Variants in SDR42E1 observed in about 807,000 individuals in gnomAD.
The protein encoded by SDR42E1 is short-chain dehydrogenase/reductase family 42E member 1.
Under a neutral mutation model 2.6 loss-of-function variants are expected in SDR42E1, and 5 were observed. The ratio of observed to expected loss-of-function variants is 1.94; its 90% CI spans 1.01 to 4.08. The LOEUF is 4.08. Ranked by LOEUF, SDR42E1 falls within the 30% of genes most tolerant of loss-of-function variation. The pLI is 0.00. For synonymous variants in SDR42E1, 231 were observed against 188.3 expected (o/e 1.23, Z -1.86); for missense variants, 596 against 478.6 (o/e 1.25, Z -2.29).
intron 1 of SDR42E1, among the ~76,000 whole-genome samples, chr16:82,004,435 G>A (rs1912868309): frequency 6.6e-6 from 1 of 152,232 alleles, no homozygotes; most frequent in Admixed American, 6.5e-5. Context: ...GATGCTTGAG[G>A]GTGAAAAGAC....
rs61406883 is a variant in SDR42E1, at chr16:81,991,707, CA to C, written c.*7403del. ...GCCTGGGTGACAGACGAGACTCTATCAAAAAAAAAAAAAAAAAAATTTGGTC... is the reference window on the plus strand; with the variant it reads ...GCCTGGGTGACAGACGAGACTCTATCAAAAAAAAAAAAAAAAAATTTGGTC... On this transcript the variant is annotated 3_prime_UTR_variant, in exon 3 of 3. Transcript: ENST00000328945. 2,682 of 109,820 alleles carry C rather than the reference CA, an allele frequency of 0.024. 38 individuals carry two copies. The highest frequency in any genetic ancestry group is 0.051 in the African/African-American group (1,638 of 32,000). 6.8% of individuals were successfully genotyped at this position (109,820 alleles called of 1,614,324 possible).
At chr16:82,000,653 C>A in intron 2 of SDR42E1, 138 bp downstream of exon 2, 1 of 661,856 alleles carries the variant, frequency 1.5e-6, no homozygotes, top group South Asian at 1.9e-5. Flanking sequence ...GCTGCAATGT[C>A]TGAGCAGTGG....
At chr16:82,001,998 C>CACACACACACACACG (rs1912784057) in intron 1 of SDR42E1, among the ~76,000 whole-genome samples, 2 of 149,470 alleles carry the variant, frequency 1.3e-5, no homozygotes, top group African/African-American at 5.0e-5. Flanking sequence ...ACACATATAC[C>CACACACACACACACG]TGTGCTCAAG....
At position 81,999,530 on chromosome 16, in the gene SDR42E1, A is replaced by G. The variant is rs753690612; in HGVS notation, c.763T>C (p.Ser255Pro). The G allele has an allele frequency of 1.2e-6, 2 of 1,614,124 alleles. No individual in the cohort carries two copies. Among genetic ancestry groups the G allele is most frequent in the Non-Finnish European group, 1.7e-6 (2 of 1,180,004 alleles). ...AAGTTGTTCACGGGTCTGCCATCTGAGATGAAGTAGGGCTGCCCAGAGGCA... is the reference window on the plus strand; with the variant it reads ...AAGTTGTTCACGGGTCTGCCATCTGGGATGAAGTAGGGCTGCCCAGAGGCA... ...HIASGQPYFI[S>P]DGRPVNNFEF... The change falls in exon 3 of 3, where the codon TCA becomes CCA. Residue 255 changes from serine (S) to proline (P), a missense_variant. Physicochemically the swap from Ser to Pro is moderately conservative, Grantham distance 74. Transcript: ENST00000328945.
At position 82,000,743 on chromosome 16, in the gene SDR42E1, A is replaced by G. The variant is rs776604803; in HGVS notation, c.68+48T>C. 4.3e-6 allele frequency: 6 copies of G among 1,383,488 alleles called. No homozygotes were observed. The South Asian group carries it at 7.1e-5, about 16-fold the overall frequency. 85.7% of individuals were successfully genotyped at this position (1,383,488 alleles called of 1,614,324 possible). On this transcript the variant is annotated intron_variant, in intron 2 of 2. Transcript: ENST00000328945. ...GCTGTCAGAGTTGAATGCTTCTGGC[A>G]ACTACCAGTAAAATAATTCCATGTG...
chr16:81,995,004 T>C lies in SDR42E1; in HGVS notation c.*4107A>G, dbSNP rs910570378. 1 of 152,214 alleles carries C rather than the reference T, an allele frequency of 6.6e-6. No homozygotes were observed. Among genetic ancestry groups the C allele is most frequent in the African/African-American group, 2.4e-5 (1 of 41,444 alleles). The allele number at this position is 152,214 out of a possible 1,614,324, so 9.4% of individuals were successfully genotyped here. A position where few individuals can be genotyped will look rare whatever the true frequency, so the allele number is the denominator to read the frequency against. On this transcript the variant is annotated 3_prime_UTR_variant, in exon 3 of 3. Coordinates refer to ENST00000328945, the MANE Select transcript of SDR42E1 (RefSeq NM_145168.3). ...TGTTACTGCTTGTAATGTGGCACTG[T>C]CTGCCCCTGTCACCAGAAACGGCAC...
At chr16:82,000,510 T>A (rs1912722689) in intron 2 of SDR42E1, 1 of 594,290 alleles carries the variant, frequency 1.7e-6, no homozygotes, top group Non-Finnish European at 3.0e-6. Flanking sequence ...TTGGAATATT[T>A]GTGAATAATA....
In SDR42E1 at chr16:81,988,895, A is replaced by G. The variant is rs1306430493; in HGVS notation, c.*10216T>C. On this transcript the variant is annotated 3_prime_UTR_variant, in exon 3 of 3. Coordinates refer to ENST00000328945, the MANE Select transcript of SDR42E1 (RefSeq NM_145168.3). Reference sequence around the variant, plus strand: ...TTTTTATTAATATTTCAATGTTGGTAGAATACTGCTACATACCCAGAATTC... The same window carrying G: ...TTTTTATTAATATTTCAATGTTGGTGGAATACTGCTACATACCCAGAATTC... 5 of 152,226 alleles carry G rather than the reference A, an allele frequency of 3.3e-5. No homozygotes were observed. Among genetic ancestry groups the G allele is most frequent in the African/African-American group, 1.2e-4 (5 of 41,456 alleles). 9.4% of individuals were successfully genotyped at this position (152,226 alleles called of 1,614,324 possible).
intron 1 of SDR42E1, among the ~76,000 whole-genome samples, chr16:82,003,463 C>T (rs1424392312): frequency 1.3e-5 from 2 of 152,238 alleles, no homozygotes; most frequent in Non-Finnish European, 2.9e-5. Flanking sequence ...CCCACGTTCA[C>T]CTCCATGACC....
At chr16:82,000,305 CA>C (rs1420521206) in intron 2 of SDR42E1, 81 bp from the exon 3 acceptor site, 6 of 1,546,918 alleles carry the variant, frequency 3.9e-6, no homozygotes, top group East Asian at 2.2e-5. Flanking sequence ...ATTTACCAAT[CA>C]AGGTGGGGCT....
At chr16:82,008,487 T>C in intron 1 of SDR42E1, among the ~76,000 whole-genome samples, 1 of 152,190 alleles carries the variant, frequency 6.6e-6, no homozygotes. Flanking sequence ...GACAATAAAG[T>C]CCAGGCTGAG....
rs769395847 is a variant in SDR42E1 at position 81,999,325 on chromosome 16, T to A, written c.968A>T (p.His323Leu). 1 of 1,614,114 alleles carries A rather than the reference T, an allele frequency of 6.2e-7. No individual in the cohort carries two copies. The highest frequency in any genetic ancestry group is 8.5e-7 in the Non-Finnish European group (1 of 1,180,046). ...RTEVYKTGVTHYFSLEKAKKE... is the reference protein window; with the variant it reads ...RTEVYKTGVTLYFSLEKAKKE... ...CTTGGCTTTCTCTAAGCTAAAATAA[T>A]GTGTGACACCAGTTTTGTAAACTTC... The change falls in exon 3 of 3, where the codon CAT (histidine) becomes CTT (leucine). Residue 323 changes from histidine to leucine, a missense_variant. Physicochemically the swap from His to Leu is moderately conservative, Grantham distance 99. Transcript: ENST00000328945.
chr16:82,007,604 C>T (rs1226684217), intron 1 of SDR42E1: 1 of 152,254 alleles, frequency 6.6e-6, no homozygotes, highest in Non-Finnish European at 1.5e-5. Flanking sequence ...GCACTCGAGG[C>T]TGTGCAGAGC....
At position 81,999,677 on chromosome 16, in the gene SDR42E1, T is replaced by C. The variant is rs764038782; in HGVS notation, c.616A>G (p.Lys206Glu). Reference sequence around the variant, plus strand: ...CCGTAGACAAACTTGAACAGACCCTTCTCGATGTAGCTGACTATCCTGGGA... The same window carrying C: ...CCGTAGACAAACTTGAACAGACCCTCCTCGATGTAGCTGACTATCCTGGGA... Reference protein sequence around the residue: ...HLPRIVSYIEKGLFKFVYGDP... With the variant: ...HLPRIVSYIEEGLFKFVYGDP... Residue 206 changes from lysine to glutamate, a missense_variant, in exon 3 of 3, where the codon AAG becomes GAG. Transcript: ENST00000328945. 6.2e-7 allele frequency: 1 copy of C among 1,614,160 alleles called. No homozygotes were observed. The highest frequency in any genetic ancestry group is 1.7e-5 in the Admixed American group (1 of 60,020).
At position 81,999,155 on chromosome 16, in the gene SDR42E1, C is replaced by A; in HGVS notation, c.1138G>T (p.Ala380Ser). ...GAAGAAGGCAGCCACATGAGAACTG[C>A]TATAATCAGGAGGAAGACCAATAGC... ...DGLLVFLLII[A>S]VLMWLPSSVI... Residue 380 changes from alanine to serine, a missense_variant, in exon 3 of 3, where the codon GCA (alanine) becomes TCA (serine). By Grantham distance (99) the Ala-to-Ser change is moderately conservative. Coordinates refer to ENST00000328945, the MANE Select transcript of SDR42E1 (RefSeq NM_145168.3). The A allele has an allele frequency of 6.2e-7, 1 of 1,614,198 alleles. No individual in the cohort carries two copies. The highest frequency in any genetic ancestry group is 8.5e-7 in the Non-Finnish European group (1 of 1,180,036).
At chr16:82,011,067 G>A (rs1455643019) in intron 1 of SDR42E1, among the ~76,000 whole-genome samples, 1 of 152,214 alleles carries the variant, frequency 6.6e-6, no homozygotes, top group East Asian at 1.9e-4. Flanking sequence ...CCCAAAGTGT[G>A]CAGAAAATCA....
Position 81,999,339 on chromosome 16 carries a change from TTTG to T in SDR42E1, c.951_953del (p.Tyr317_Lys318delinsTer), listed in dbSNP as rs1912648945. Reference sequence around the variant, plus strand: ...AGCTAAAATAATGTGTGACACCAGTTTTGTAAACTTCAGTGCGAGTGAGGAAGG... The same window carrying T: ...AGCTAAAATAATGTGTGACACCAGTTTAAACTTCAGTGCGAGTGAGGAAGG... On this transcript the variant is annotated stop_gained and inframe_deletion, in exon 3 of 3. Coordinates refer to ENST00000328945, the MANE Select transcript of SDR42E1 (RefSeq NM_145168.3). LOFTEE classifies it low-confidence loss of function (END_TRUNC). 1 of 1,614,190 alleles carries T rather than the reference TTTG, an allele frequency of 6.2e-7. No individual in the cohort carries two copies. The highest frequency in any genetic ancestry group is 8.5e-7 in the Non-Finnish European group (1 of 1,180,034).
At chr16:82,002,224 T>G (rs1176961114) in intron 1 of SDR42E1, among the ~76,000 whole-genome samples, 1 of 151,938 alleles carries the variant, frequency 6.6e-6, no homozygotes, top group Non-Finnish European at 1.5e-5. Flanking sequence ...AGGCTATGAG[T>G]GTGAAGTCAG....
At position 81,999,768 on chromosome 16, in the gene SDR42E1, G is replaced by C. The variant is rs560725582; in HGVS notation, c.525C>G (p.Asp175Glu). 1 of 1,614,180 alleles carries C rather than the reference G, an allele frequency of 6.2e-7. No homozygotes were observed. Residue 175 changes from aspartate (D) to glutamate (E), a missense_variant, in exon 3 of 3, where the codon GAC (aspartate) becomes GAG (glutamate). Physicochemically the swap from Asp to Glu is conservative, Grantham distance 45. Coordinates refer to ENST00000328945, the MANE Select transcript of SDR42E1 (RefSeq NM_145168.3). ...EANATPLDRG[D>E]GVLRTCALRP... ...TCAGAGCGCAGGTTCTTAAGACACC[G>C]TCGCCTCTGTCCAGGGGTGTAGCAT... is the stretch of plus-strand genomic sequence containing the variant.
Sources: gnomAD v4.1 joint callset for allele counts (sites outside exome capture counted in the v4.1 genomes callset) on GRCh38, gnomAD v4.1.1 for gene constraint, MANE v1.5 for transcripts, NCBI Gene and HGNC (gene_info 2026-07-23, HGNC 2026-07-21) for gene names.